Variants in DNAH7 observed in about 807,000 individuals in gnomAD.
DNAH7 encodes the protein dynein axonemal heavy chain 7.
A neutral mutation model predicts 444.6 loss-of-function variants in DNAH7; 397 were observed. The ratio of observed to expected loss-of-function variants is 0.89; its 90% CI spans 0.82 to 0.97. The LOEUF is 0.97. DNAH7 is among the 50% of genes least tolerant of loss of function. The probability of loss-of-function intolerance (pLI) is 0.00; values close to 1 mark genes in which losing one functional copy is unlikely to be tolerated. For synonymous variants in DNAH7, 1,636 were observed against 1,624.4 expected (o/e 1.01, Z -0.17); for missense variants, 4,902 against 4,800.8 (o/e 1.02, Z -0.62).
intron 19 of DNAH7, among the ~76,000 whole-genome samples, chr2:195,952,508 A>T (rs1025345080): frequency 1.3e-5 from 2 of 152,154 alleles, no homozygotes; most frequent in African/African-American, 4.8e-5. Context: ...CCTGGATAAT[A>T]TCCTGAAGAG....
intron 40 of DNAH7, among the ~76,000 whole-genome samples, chr2:195,865,426 A>G (rs576220852): frequency 2.0e-5 from 3 of 152,324 alleles, no homozygotes; most frequent in South Asian, 2.1e-4. Context: ...GATAGATAAC[A>G]TTTTGAAAGT....
chr2:196,052,440 G>A (rs995010500), intron 2 of DNAH7, among the ~76,000 whole-genome samples: 1 of 152,166 alleles, frequency 6.6e-6, no homozygotes, highest in African/African-American at 2.4e-5. Flanking sequence ...AGATGTTGAA[G>A]ACTTAGTACA....
intron 8 of DNAH7, among the ~76,000 whole-genome samples, chr2:196,021,691 A>T (rs1695393158): frequency 6.6e-6 from 1 of 151,780 alleles, no homozygotes. Context: ...GCATAGTGAT[A>T]CGCACCTGTG....
chr2:196,034,015 C>A (rs778519908), intron 5 of DNAH7, among the ~76,000 whole-genome samples: 6 of 151,986 alleles, frequency 3.9e-5, no homozygotes, highest in Non-Finnish European at 8.8e-5. Flanking sequence ...CTAAGAATTC[C>A]ACTCTCACCA....
At chr2:195,824,544 T>G (rs777410523) in intron 48 of DNAH7, 99 bp from the exon 49 acceptor site, 306 of 1,057,560 alleles carry the variant, frequency 2.9e-4, no homozygotes, top group Non-Finnish European at 3.9e-4. Context: ...TATAGATAAA[T>G]TCTGTTCCTA....
At chr2:195,740,615 G>GTGTGTATA (rs1254122900) in intron 64 of DNAH7, 151 bp downstream of exon 64, 1 of 70,950 alleles carries the variant, frequency 1.4e-5, no homozygotes, top group African/African-American at 5.5e-5. Flanking sequence ...GTGTGTGTGT[G>GTGTGTATA]TATATATATA....
chr2:195,811,323 C>A (rs1190394638), intron 51 of DNAH7, among the ~76,000 whole-genome samples: 1 of 152,154 alleles, frequency 6.6e-6, no homozygotes, highest in Non-Finnish European at 1.5e-5. Flanking sequence ...GCATTACTTA[C>A]AATATAAAAG....
At chr2:195,783,814 C>T (rs1695495204) in intron 58 of DNAH7, among the ~76,000 whole-genome samples, 1 of 152,130 alleles carries the variant, frequency 6.6e-6, no homozygotes, top group Non-Finnish European at 1.5e-5. Context: ...AAATAGTCTC[C>T]AAAAAGCACA....
Position 195,875,821 on chromosome 2 carries a change from T to C in DNAH7, c.6140A>G (p.Asn2047Ser), listed in dbSNP as rs577081686. ...CCCATATACCTCCCGAGCAGGCATA[T>C]TGACATCATCTACAAAGACAACCTG... ...KRMVVFVDDVNMPAREVYGAQ... is the reference protein window; with the variant it reads ...KRMVVFVDDVSMPAREVYGAQ... Residue 2047 changes from asparagine to serine, a missense_variant, in exon 38 of 65, where the codon AAT becomes AGT. Transcript: ENST00000312428. 290 of 1,606,164 alleles carry C rather than the reference T, an allele frequency of 1.8e-4. 4 individuals carry two copies. Among genetic ancestry groups the C allele is most frequent in the South Asian group, 1.5e-3 (137 of 89,006 alleles).
Position 195,834,241 on chromosome 2 carries a change from C to G in DNAH7, c.9065G>C (p.Arg3022Thr), listed in dbSNP as rs779549080. Reference protein sequence around the residue: ...VIKLSEPDYVRTLENCIQFGT... With the variant: ...VIKLSEPDYVTTLENCIQFGT... Reference sequence around the variant, plus strand: ...AAACTGGATGCAATTTTCCAGAGTCCTGACATAGTCAGGTTCACTAAGTTT... The same window carrying G: ...AAACTGGATGCAATTTTCCAGAGTCGTGACATAGTCAGGTTCACTAAGTTT... Residue 3022 changes from arginine (R) to threonine (T), a missense_variant, in exon 48 of 65, where the codon AGG becomes ACG. Transcript: ENST00000312428. 3.7e-6 allele frequency: 6 copies of G among 1,607,110 alleles called. No individual in the cohort carries two copies. In the Admixed American group the frequency reaches 1.0e-4, roughly 27 times the overall value.
intron 27 of DNAH7, 101 bp from the exon 28 acceptor site, chr2:195,900,595 A>G (rs1353615160): frequency 8.8e-7 from 1 of 1,140,350 alleles, no homozygotes; most frequent in African/African-American, 1.5e-5. Flanking sequence ...TGGAGGCTAA[A>G]AAAGTTTATC....
intron 10 of DNAH7, among the ~76,000 whole-genome samples, chr2:196,004,056 T>G (rs890827365): frequency 1.3e-5 from 2 of 152,212 alleles, no homozygotes; most frequent in African/African-American, 2.4e-5. Flanking sequence ...ACAGGCATGA[T>G]CCAAGGTGAA....
intron 15 of DNAH7, among the ~76,000 whole-genome samples, chr2:195,983,872 T>C (rs1050621597): frequency 6.6e-6 from 1 of 152,190 alleles, no homozygotes; most frequent in Non-Finnish European, 1.5e-5. Flanking sequence ...TGAAGAGTGA[T>C]TACACAGCTC....
chr2:195,787,142 C>A lies in DNAH7; in HGVS notation c.10746G>T (p.Leu3582=). Residue 3582 remains leucine (L), a synonymous_variant, in exon 58 of 65, where the codon CTG becomes CTT. Transcript: ENST00000312428. ...PEEFKKLLYG[L]CFFHALVQER... is the part of the protein sequence containing the mutation. ...CTTGTACCAAAGCATGAAAGAAACA[C>A]AGGCCATAAAGCAATTTCTTGAATT... The A allele has an allele frequency of 6.2e-7, 1 of 1,605,412 alleles. No homozygotes were observed. Among genetic ancestry groups the A allele is most frequent in the Non-Finnish European group, 8.5e-7 (1 of 1,177,844 alleles).
intron 47 of DNAH7, among the ~76,000 whole-genome samples, chr2:195,843,370 C>A (rs951551774): frequency 2.0e-5 from 3 of 152,122 alleles, no homozygotes; most frequent in African/African-American, 7.2e-5. Context: ...ATTATTGGAT[C>A]AGAGTACCCA....
At chr2:196,017,070 G>GATCTCAGCT (rs1409364937) in intron 9 of DNAH7, among the ~76,000 whole-genome samples, 1 of 152,136 alleles carries the variant, frequency 6.6e-6, no homozygotes, top group Non-Finnish European at 1.5e-5. Context: ...GCACTGGCAT[G>GATCTCAGCT]ATCTCAGCTA....
intron 9 of DNAH7, among the ~76,000 whole-genome samples, chr2:196,014,389 C>T (rs1694890775): frequency 6.6e-6 from 1 of 152,096 alleles, no homozygotes; most frequent in Non-Finnish European, 1.5e-5. Context: ...TTAGTAGAAC[C>T]GAACAGCTCC....
rs773349633 is a variant in DNAH7 at position 195,816,841 on chromosome 2, G to A, written c.9548C>T (p.Ser3183Phe). Reference protein sequence around the residue: ...SSSKALANEISQKQEVAEETE... With the variant: ...SSSKALANEIFQKQEVAEETE... ...CTCTTCGGCTACTTCCTGCTTCTGA[G>A]AAATCTCATTAGCCAAGGCCTTGGA... Residue 3183 changes from serine (S) to phenylalanine (F), a missense_variant, in exon 51 of 65, where the codon TCT (serine) becomes TTT (phenylalanine). Physicochemically the swap from Ser to Phe is radical, Grantham distance 155. Transcript: ENST00000312428. 1 of 1,613,988 alleles carries A rather than the reference G, an allele frequency of 6.2e-7. No homozygotes were observed. The highest frequency in any genetic ancestry group is 1.3e-5 in the African/African-American group (1 of 74,918).
Position 196,048,273 on chromosome 2 carries a change from A to G in DNAH7, c.250+23T>C, listed in dbSNP as rs775707816. On this transcript the variant is annotated intron_variant, in intron 4 of 64. Coordinates refer to ENST00000312428, the MANE Select transcript of DNAH7 (RefSeq NM_018897.3). The stretch of plus-strand genomic sequence containing the variant: ...TCTCTACAAATTATCCTTAAATCTA[A>G]TTTAGAATATTGAAGTTCTTACCAT... 4 of 1,565,620 alleles carry G rather than the reference A, an allele frequency of 2.6e-6. No homozygotes were observed. In the East Asian group the frequency reaches 6.7e-5, roughly 26 times the overall value.
Sources: allele counts gnomAD v4.1 joint callset (sites outside exome capture counted in the v4.1 genomes callset), GRCh38; gene constraint gnomAD v4.1.1; transcripts MANE v1.5; gene names NCBI Gene and HGNC (gene_info 2026-07-23, HGNC 2026-07-21).